Variants in UBR1 observed in about 807,000 individuals in gnomAD.
The protein encoded by UBR1 is E3 ubiquitin-protein ligase UBR1.
Under a neutral mutation model 242.1 loss-of-function variants are expected in UBR1, and 102 were observed. The observed-to-expected ratio is 0.42, with a 90% confidence interval of 0.36 to 0.50. The LOEUF (loss-of-function observed/expected upper bound fraction) is 0.50, where lower values mean the gene tolerates loss of function less well. UBR1 is among the 20% of genes least tolerant of loss of function. UBR1 has a pLI of 0.01. For missense variants in UBR1, 1,772 were observed against 2,101.8 expected (o/e 0.84, Z 3.07); for synonymous variants, 675 against 684.8 (o/e 0.99, Z 0.22).
At chr15:43,097,662 G>A (rs1274160723) in intron 1 of UBR1, among the ~76,000 whole-genome samples, 3 of 152,312 alleles carry the variant, frequency 2.0e-5, no homozygotes, top group Middle Eastern at 3.4e-3. Context: ...TGTGGAGATG[G>A]TTTCTTTTCT....
At chr15:42,974,588 T>G (rs919939235) in intron 39 of UBR1, among the ~76,000 whole-genome samples, 2 of 152,204 alleles carry the variant, frequency 1.3e-5, no homozygotes, top group African/African-American at 4.8e-5. Context: ...TATTTATTTA[T>G]GTACTTGTTT....
intron 27 of UBR1, among the ~76,000 whole-genome samples, chr15:43,018,130 A>G (rs1379513608): frequency 6.6e-6 from 1 of 151,276 alleles, no homozygotes; most frequent in East Asian, 2.0e-4. Flanking sequence ...AGCCTCCTGA[A>G]TAGCTAGGAC....
At chr15:43,077,616 C>G in intron 3 of UBR1, among the ~76,000 whole-genome samples, 1 of 146,928 alleles carries the variant, frequency 6.8e-6, no homozygotes, top group Non-Finnish European at 1.5e-5. Flanking sequence ...CCAAATCCCC[C>G]TCTGGGAGAA....
intron 3 of UBR1, among the ~76,000 whole-genome samples, chr15:43,081,434 A>G (rs916169389): frequency 6.6e-6 from 1 of 151,610 alleles, no homozygotes. Context: ...AAAAAAAAAA[A>G]AAAAAAAGAA....
chr15:43,054,711 G>A (rs745967517), intron 12 of UBR1, 31 bp downstream of exon 12: 13 of 1,612,812 alleles, frequency 8.1e-6, no homozygotes, highest in African/African-American at 8.0e-5. Context: ...AGTTTAACAG[G>A]TGCCCTCACC....
chr15:42,949,734 G>C (rs2141248288), intron 46 of UBR1, among the ~76,000 whole-genome samples: 1 of 151,838 alleles, frequency 6.6e-6, no homozygotes, highest in East Asian at 1.9e-4. Flanking sequence ...AGGAGGCAGA[G>C]GTTGCAGTGA....
intron 26 of UBR1, 151 bp downstream of exon 26, chr15:43,022,551 T>C (rs2033123939): frequency 4.0e-6 from 2 of 496,956 alleles, no homozygotes; most frequent in African/African-American, 2.0e-5. Flanking sequence ...CTAAGAATGC[T>C]AGGAAAAAAA....
chr15:43,060,769 A>G (rs1452292527), intron 6 of UBR1, among the ~76,000 whole-genome samples: 5 of 152,192 alleles, frequency 3.3e-5, no homozygotes. Context: ...TTGTCCCCCA[A>G]TCAGAAAGTT....
chr15:43,080,272 A>G (rs2033960890), intron 3 of UBR1, among the ~76,000 whole-genome samples: 2 of 152,290 alleles, frequency 1.3e-5, no homozygotes, highest in East Asian at 3.9e-4. Flanking sequence ...TAAACTAACC[A>G]TCTAAAAATA....
At chr15:42,949,867 ACAGAATCTCC>A (rs1171016596) in intron 46 of UBR1, among the ~76,000 whole-genome samples, 2 of 149,708 alleles carry the variant, frequency 1.3e-5, no homozygotes, top group African/African-American at 4.9e-5. Flanking sequence ...TTTTTTTTAG[ACAGAATCTCC>A]CTCTGTTGCC....
chr15:43,074,029 G>C (rs1348376853), intron 4 of UBR1, among the ~76,000 whole-genome samples: 1 of 152,176 alleles, frequency 6.6e-6, no homozygotes, highest in Non-Finnish European at 1.5e-5. Context: ...TCTGGGGCAA[G>C]TACTTTCTTG....
intron 37 of UBR1, among the ~76,000 whole-genome samples, chr15:42,978,892 CT>C (rs754093273): frequency 4.5e-3 from 424 of 94,048 alleles, no homozygotes; most frequent in South Asian, 0.013. Context: ...CCACGCCCGG[CT>C]TTTTTTTTTT....
intron 14 of UBR1, among the ~76,000 whole-genome samples, chr15:43,045,860 T>G (rs952780435): frequency 5.3e-5 from 8 of 152,166 alleles, no homozygotes; most frequent in African/African-American, 1.9e-4. Context: ...CGATAATAAA[T>G]GTATTAGGAT....
At chr15:43,023,199 T>C (rs2033132923) in intron 25 of UBR1, among the ~76,000 whole-genome samples, 3 of 152,056 alleles carry the variant, frequency 2.0e-5, no homozygotes, top group Non-Finnish European at 4.4e-5. Flanking sequence ...AGTAGAAGTA[T>C]AAAAATAAGA....
chr15:42,946,279 G>C (rs1035961028), intron 46 of UBR1, among the ~76,000 whole-genome samples: 1 of 151,930 alleles, frequency 6.6e-6, no homozygotes, highest in Non-Finnish European at 1.5e-5. Flanking sequence ...TGCCCGCCAC[G>C]ATACCTGGCT....
intron 17 of UBR1, among the ~76,000 whole-genome samples, chr15:43,036,997 G>A (rs375423419): frequency 2.7e-5 from 4 of 150,728 alleles, no homozygotes; most frequent in African/African-American, 4.9e-5. Context: ...AGAGGTAAAC[G>A]CATAATACCA....
chr15:43,036,073 G>A (rs2033331367), intron 19 of UBR1, 105 bp downstream of exon 19: 13 of 1,036,882 alleles, frequency 1.3e-5, no homozygotes, highest in Non-Finnish European at 1.9e-5. Flanking sequence ...AAAACTTAAA[G>A]TATAATTTTA....
At chr15:42,972,707 C>T (rs2032227048) in intron 39 of UBR1, among the ~76,000 whole-genome samples, 1 of 152,122 alleles carries the variant, frequency 6.6e-6, no homozygotes, top group Non-Finnish European at 1.5e-5. Flanking sequence ...ATAATATTTC[C>T]ACTCTCTGGA....
intron 1 of UBR1, among the ~76,000 whole-genome samples, chr15:43,095,796 A>G (rs2034152669): frequency 6.6e-6 from 1 of 152,236 alleles, no homozygotes; most frequent in East Asian, 1.9e-4. Flanking sequence ...ATAAAGTGGC[A>G]GCAAGGGAAC....
Sources: gnomAD v4.1 joint callset for allele counts (sites outside exome capture counted in the v4.1 genomes callset) on GRCh38, gnomAD v4.1.1 for gene constraint, MANE v1.5 for transcripts, NCBI Gene and HGNC (gene_info 2026-07-23, HGNC 2026-07-21) for gene names.